GRIA2: variants seen among roughly 807,000 people sequenced by gnomAD.
GRIA2 encodes the protein glutamate ionotropic receptor AMPA type subunit 2.
A neutral mutation model predicts 97.3 loss-of-function variants in GRIA2; 14 were observed. The observed-to-expected ratio is 0.14, with a 90% CI of 0.10 to 0.23. The LOEUF (loss-of-function observed/expected upper bound fraction) is 0.23. Ranked by LOEUF, GRIA2 falls within the 10% of genes least tolerant of loss-of-function variation. The pLI, the probability that GRIA2 is intolerant of heterozygous loss-of-function variation, is 1.00. For missense variants in GRIA2, 558 were observed against 1,069.8 expected (o/e 0.52, Z 6.67); for synonymous variants, 412 against 387.8 (o/e 1.06, Z -0.73).
intron 6 of GRIA2, among the ~76,000 whole-genome samples, chr4:157,327,442 C>G (rs1360194189): frequency 6.6e-6 from 1 of 152,108 alleles, no homozygotes; most frequent in African/African-American, 2.4e-5. Flanking sequence ...CCTGACCCAT[C>G]ATAGCACCAG....
chr4:157,359,427 C>T (rs1736539702), intron 12 of GRIA2, among the ~76,000 whole-genome samples: 1 of 152,240 alleles, frequency 6.6e-6, no homozygotes, highest in Non-Finnish European at 1.5e-5. Context: ...GTAATATTAT[C>T]TTTATTCCAC....
chr4:157,241,117 T>C (rs1051039306), intron 2 of GRIA2, among the ~76,000 whole-genome samples: 12 of 152,252 alleles, frequency 7.9e-5, no homozygotes, highest in African/African-American at 2.9e-4. Context: ...AGAACGGGTA[T>C]TTTGGTGGTA....
At chr4:157,232,745 A>G (rs947472643) in intron 2 of GRIA2, among the ~76,000 whole-genome samples, 3 of 152,168 alleles carry the variant, frequency 2.0e-5, no homozygotes, top group Non-Finnish European at 4.4e-5. Flanking sequence ...ATGAATACAC[A>G]AGTTTTTCAT....
intron 2 of GRIA2, among the ~76,000 whole-genome samples, chr4:157,282,151 C>T (rs1461289544): frequency 6.6e-6 from 1 of 152,102 alleles, no homozygotes; most frequent in East Asian, 1.9e-4. Flanking sequence ...CTAAGCTTTA[C>T]TAATAGTCTC....
chr4:157,236,262 T>TA (rs904044036), intron 2 of GRIA2, among the ~76,000 whole-genome samples: 96 of 151,930 alleles, frequency 6.3e-4, no homozygotes, highest in African/African-American at 1.9e-3. Context: ...TATGGTAATT[T>TA]AAAAAAAACA....
intron 2 of GRIA2, among the ~76,000 whole-genome samples, chr4:157,230,085 T>TAA (rs2126689786): frequency 6.6e-6 from 1 of 152,262 alleles, no homozygotes; most frequent in South Asian, 2.1e-4. Flanking sequence ...AACTTCAGCA[T>TAA]AAATTTAATG....
chr4:157,333,520 T>C (rs531460962), intron 8 of GRIA2, among the ~76,000 whole-genome samples, 167 bp downstream of exon 8: 1 of 152,188 alleles, frequency 6.6e-6, no homozygotes, highest in Admixed American at 6.6e-5. Context: ...TGTTTATTTC[T>C]GGTAAGTAAC....
intron 12 of GRIA2, among the ~76,000 whole-genome samples, chr4:157,353,005 C>A (rs1736083211): frequency 6.6e-6 from 1 of 151,534 alleles, no homozygotes; most frequent in South Asian, 2.1e-4. Flanking sequence ...TTACAGTGAG[C>A]CGAGATCGTG....
intron 12 of GRIA2, among the ~76,000 whole-genome samples, chr4:157,359,673 A>G (rs1736548992): frequency 6.6e-6 from 1 of 152,128 alleles, no homozygotes; most frequent in South Asian, 2.1e-4. Flanking sequence ...TTTGTTTACC[A>G]TAGTAAATCG....
At chr4:157,299,318 G>A (rs1325771798) in intron 2 of GRIA2, among the ~76,000 whole-genome samples, 2 of 152,052 alleles carry the variant, frequency 1.3e-5, no homozygotes, top group Non-Finnish European at 2.9e-5. Context: ...GAGAGAAGGA[G>A]AGAGGCTTTC....
chr4:157,275,150 C>G (rs1169528151), intron 2 of GRIA2, among the ~76,000 whole-genome samples: 361 of 152,026 alleles, frequency 2.4e-3, no homozygotes, highest in African/African-American at 7.5e-3. Flanking sequence ...GTGTTTTTTG[C>G]CTGCATAAAT....
At chr4:157,223,506 T>G (rs1729601463) in intron 2 of GRIA2, among the ~76,000 whole-genome samples, 1 of 152,174 alleles carries the variant, frequency 6.6e-6, no homozygotes, top group Admixed American at 6.5e-5. Flanking sequence ...TCAACTTAAT[T>G]AAAATTTGAA....
At chr4:157,309,190 A>G (rs1392612831) in intron 3 of GRIA2, among the ~76,000 whole-genome samples, 1 of 152,142 alleles carries the variant, frequency 6.6e-6, no homozygotes, top group Non-Finnish European at 1.5e-5. Context: ...CTACTTGAGC[A>G]GTTTAGTTTC....
intron 2 of GRIA2, among the ~76,000 whole-genome samples, chr4:157,299,407 G>T (rs1733513092): frequency 6.6e-6 from 1 of 152,136 alleles, no homozygotes; most frequent in Non-Finnish European, 1.5e-5. Flanking sequence ...CAAAGAGGTT[G>T]TTGCCATTTC....
At chr4:157,243,719 T>C (rs1166405319) in intron 2 of GRIA2, among the ~76,000 whole-genome samples, 2 of 152,092 alleles carry the variant, frequency 1.3e-5, no homozygotes, top group African/African-American at 4.8e-5. Flanking sequence ...AAAGTGAGGA[T>C]GTGTGCTGTA....
intron 2 of GRIA2, among the ~76,000 whole-genome samples, chr4:157,274,988 T>G (rs976367032): frequency 6.6e-6 from 1 of 151,192 alleles, no homozygotes; most frequent in East Asian, 1.9e-4. Flanking sequence ...CCACCAACAG[T>G]GTAAAAGTGT....
At position 157,332,974 on chromosome 4, in the gene GRIA2, G is replaced by T. The variant is rs1172959403; in HGVS notation, c.1038G>T (p.Arg346Ser). 1.2e-6 allele frequency: 2 copies of T among 1,607,062 alleles called. No homozygotes were observed. Among genetic ancestry groups the T allele is most frequent in the Admixed American group, 1.7e-5 (1 of 58,826 alleles). ...VPWGQGVEIE[R>S]ALKQVQVEGL... ...GGGGACAAGGTGTAGAAATAGAAAG[G>T]GCCCTCAAACAGGTCAGTTACTCAA... The change falls in exon 7 of 16, where the codon AGG (arginine) becomes AGT (serine). Residue 346 changes from arginine (R) to serine (S), a missense_variant. This residue lies in a region of GRIA2 where 66 missense variants were observed against 118.7 expected (regional missense o/e 0.56). Transcript: ENST00000264426.
intron 12 of GRIA2, among the ~76,000 whole-genome samples, chr4:157,349,240 A>G (rs367592669): frequency 1.3e-5 from 2 of 152,114 alleles, no homozygotes; most frequent in African/African-American, 4.8e-5. Flanking sequence ...CTGATACTAC[A>G]AGGGGCCCAT....
chr4:157,362,324 C>T, intron 14 of GRIA2: 1 of 451,498 alleles, frequency 2.2e-6, no homozygotes, highest in South Asian at 1.6e-5. Context: ...GAAATGTGGT[C>T]AGTCCTCCAT....
Sources: gnomAD v4.1 joint callset for allele counts (sites outside exome capture counted in the v4.1 genomes callset) on GRCh38, gnomAD v4.1.1 for gene constraint, gnomAD v4.1.1 regional missense constraint, MANE v1.5 for transcripts, NCBI Gene and HGNC (gene_info 2026-07-23, HGNC 2026-07-21) for gene names.